Variants in PXDNL observed in about 807,000 individuals in gnomAD.
The protein encoded by PXDNL is peroxidasin like.
A neutral mutation model predicts 150.8 loss-of-function variants in PXDNL; 145 were observed. The ratio of observed to expected loss-of-function variants is 0.96; its 90% confidence interval spans 0.84 to 1.10. PXDNL has a LOEUF of 1.10. Among genes scored for constraint, PXDNL ranks in the 50% least tolerant of loss-of-function variants. The pLI, the probability that PXDNL is intolerant of heterozygous loss-of-function variation, is 0.00. For synonymous variants in PXDNL, 757 were observed against 725.7 expected (o/e 1.04, Z -0.69); for missense variants, 2,087 against 1,873.9 (o/e 1.11, Z -2.10).
chr8:51,751,937 A>T (rs758246906), intron 1 of PXDNL, among the ~76,000 whole-genome samples: 1 of 152,208 alleles, frequency 6.6e-6, no homozygotes, highest in South Asian at 2.1e-4. Context: ...CTTGTGGCCC[A>T]ATAACAAGAT....
chr8:51,418,341 A>C (rs539847602), intron 14 of PXDNL, among the ~76,000 whole-genome samples: 1 of 152,344 alleles, frequency 6.6e-6, no homozygotes, highest in Non-Finnish European at 1.5e-5. Context: ...CCCTATTCAG[A>C]GTAAATTTTA....
chr8:51,477,964 C>T (rs2130134986), intron 6 of PXDNL, among the ~76,000 whole-genome samples: 1 of 152,120 alleles, frequency 6.6e-6, no homozygotes, highest in Admixed American at 6.5e-5. Flanking sequence ...TTTTCACTTG[C>T]CAGTCGAAAA....
At chr8:51,456,245 C>T (rs944531915) in intron 9 of PXDNL, among the ~76,000 whole-genome samples, 3 of 152,154 alleles carry the variant, frequency 2.0e-5, no homozygotes, top group Non-Finnish European at 2.9e-5. Context: ...CACCAAATCT[C>T]GTGTCATTCC....
chr8:51,349,176 GGTGTGT>G (rs56864306), intron 19 of PXDNL, among the ~76,000 whole-genome samples: 1 of 150,268 alleles, frequency 6.7e-6, no homozygotes, highest in South Asian at 2.1e-4. Context: ...TGTGTGTGGG[GGTGTGT>G]GTGTGTGTGT....
intron 19 of PXDNL, among the ~76,000 whole-genome samples, chr8:51,347,000 C>T (rs748214302): frequency 6.6e-5 from 10 of 151,850 alleles, no homozygotes; most frequent in South Asian, 2.1e-4. Flanking sequence ...AAAAGAATGA[C>T]GTAGGAATCA....
chr8:51,635,989 T>C (rs929489768), intron 2 of PXDNL, among the ~76,000 whole-genome samples: 4 of 152,026 alleles, frequency 2.6e-5, no homozygotes, highest in Non-Finnish European at 4.4e-5. Flanking sequence ...AAACATAACA[T>C]AAACATTATT....
At chr8:51,386,524 T>C (rs13282844) in intron 17 of PXDNL, among the ~76,000 whole-genome samples, 5 of 152,004 alleles carry the variant, frequency 3.3e-5, no homozygotes, top group African/African-American at 7.3e-5. Flanking sequence ...AAGCAAGTGA[T>C]AGATGACTGA....
intron 5 of PXDNL, among the ~76,000 whole-genome samples, chr8:51,488,174 C>T (rs1011368882): frequency 1.3e-5 from 2 of 152,038 alleles, no homozygotes; most frequent in Non-Finnish European, 2.9e-5. Flanking sequence ...AAAAATATAT[C>T]CATATTCAAG....
chr8:51,370,005 A>C (rs1186057583), intron 19 of PXDNL, among the ~76,000 whole-genome samples: 1 of 152,216 alleles, frequency 6.6e-6, no homozygotes, highest in Non-Finnish European at 1.5e-5. Context: ...TCTCTGTGCC[A>C]TGCACCTACC....
intron 5 of PXDNL, among the ~76,000 whole-genome samples, chr8:51,490,402 A>C (rs376209521): frequency 2.0e-5 from 3 of 152,000 alleles, no homozygotes; most frequent in Admixed American, 1.3e-4. Context: ...AAAACGTTGA[A>C]TATCTGAGTA....
chr8:51,584,070 T>A (rs1367267300), intron 3 of PXDNL, among the ~76,000 whole-genome samples: 1 of 152,172 alleles, frequency 6.6e-6, no homozygotes, highest in Non-Finnish European at 1.5e-5. Context: ...CATAAAAAAA[T>A]CAATAAATCA....
chr8:51,779,330 C>T (rs1385371070), intron 1 of PXDNL, among the ~76,000 whole-genome samples: 1 of 152,162 alleles, frequency 6.6e-6, no homozygotes, highest in Non-Finnish European at 1.5e-5. Context: ...AGGCGAAGTC[C>T]CTGTGGGCAC....
intron 1 of PXDNL, among the ~76,000 whole-genome samples, chr8:51,800,044 T>C (rs2037602541): frequency 6.6e-6 from 1 of 152,160 alleles, no homozygotes. Flanking sequence ...TCTGTAAAAG[T>C]AGTCATCAAC....
intron 1 of PXDNL, among the ~76,000 whole-genome samples, chr8:51,806,146 G>A (rs562657798): frequency 6.6e-6 from 1 of 152,210 alleles, no homozygotes; most frequent in African/African-American, 2.4e-5. Flanking sequence ...TTAAAACCCT[G>A]ATCAACTGTA....
At chr8:51,545,181 CACTT>C (rs138088277) in intron 4 of PXDNL, among the ~76,000 whole-genome samples, 2,684 of 152,178 alleles carry the variant, frequency 0.018, 82 homozygotes, top group African/African-American at 0.06. Context: ...GAATATAAAA[CACTT>C]ACTGCTGAGA....
chr8:51,488,687 G>C (rs1326414437), intron 5 of PXDNL, among the ~76,000 whole-genome samples: 1 of 152,102 alleles, frequency 6.6e-6, no homozygotes, highest in African/African-American at 2.4e-5. Flanking sequence ...AATTTTGTAA[G>C]AAAATAAACT....
rs201816215 is a variant in PXDNL at position 51,320,821 on chromosome 8, C to G, written c.4223G>C (p.Arg1408Pro). The G allele has an allele frequency of 3.8e-4, 610 of 1,613,742 alleles. No homozygotes were observed. Among genetic ancestry groups the G allele is most frequent in the Non-Finnish European group, 5.0e-4 (587 of 1,179,812 alleles). ...VRGVPRKAEE[R>P]WMKEDCTHCI... The stretch of plus-strand genomic sequence containing the variant: ...GTGAGTGCAGTCTTCTTTCATCCAG[C>G]GCTCCTCGGCCTTCCTTGGAACCCC... Residue 1408 changes from arginine to proline, a missense_variant, in exon 22 of 23, where the codon CGC (arginine) becomes CCC (proline). Physicochemically the swap from Arg to Pro is moderately radical, Grantham distance 103. Coordinates refer to ENST00000356297, the MANE Select transcript of PXDNL (RefSeq NM_144651.5).
intron 17 of PXDNL, among the ~76,000 whole-genome samples, chr8:51,387,421 C>T (rs945385542): frequency 2.0e-5 from 3 of 152,132 alleles, no homozygotes; most frequent in Non-Finnish European, 4.4e-5. Flanking sequence ...TAACTGCTGG[C>T]TGTCATGAGA....
chr8:51,621,025 C>T (rs16916616), intron 2 of PXDNL, among the ~76,000 whole-genome samples: 2,383 of 152,280 alleles, frequency 0.016, 32 homozygotes, highest in South Asian at 0.031. Context: ...ATTCATGAGT[C>T]ACACTTTTCA....
Sources: gnomAD v4.1 joint callset for allele counts (sites outside exome capture counted in the v4.1 genomes callset) on GRCh38, gnomAD v4.1.1 for gene constraint, MANE v1.5 for transcripts, NCBI Gene and HGNC (gene_info 2026-07-23, HGNC 2026-07-21) for gene names.